TCFL5: variants seen among roughly 807,000 people sequenced by gnomAD.
The protein encoded by TCFL5 is transcription factor-like 5 protein.
In TCFL5, 9 loss-of-function variants were observed where a neutral mutation model predicts 44.3. The ratio of observed to expected loss-of-function variants is 0.20; its 90% CI spans 0.12 to 0.35. The LOEUF (loss-of-function observed/expected upper bound fraction) is 0.35, where lower values mean the gene tolerates loss of function less well. Ranked by LOEUF, TCFL5 falls within the 10% of genes least tolerant of loss-of-function variation. The pLI is 1.00. For missense variants in TCFL5, 603 were observed against 613.4 expected (o/e 0.98, Z 0.18); for synonymous variants, 319 against 271.6 (o/e 1.17, Z -1.72).
At chr20:62,851,183 T>C (rs1282026155) in intron 5 of TCFL5, among the ~76,000 whole-genome samples, 1 of 152,130 alleles carries the variant, frequency 6.6e-6, no homozygotes, top group African/African-American at 2.4e-5. Flanking sequence ...TAAGAACCCA[T>C]GTGTTTCGGC....
Position 62,841,620 on chromosome 20 carries a change from T to A in TCFL5, c.*355A>T, listed in dbSNP as rs1307425472. 1 of 163,834 alleles carries A rather than the reference T, an allele frequency of 6.1e-6. No individual in the cohort carries two copies. The highest frequency in any genetic ancestry group is 1.3e-5 in the Non-Finnish European group (1 of 75,918). The allele number at this position is 163,834 out of a possible 1,614,324, so 10.1% of individuals were successfully genotyped here. A position where few individuals can be genotyped will look rare whatever the true frequency, so the allele number is the denominator to read the frequency against. ...GGTAAATAAGTAAAAAGCCGTGTAC[T>A]TTTTAAGATTAAAGAAAGTACAAAG... On this transcript the variant is annotated 3_prime_UTR_variant, in exon 6 of 6. Transcript: ENST00000335351.
intron 5 of TCFL5, among the ~76,000 whole-genome samples, chr20:62,843,614 G>A (rs1392143786): frequency 6.6e-6 from 1 of 152,164 alleles, no homozygotes; most frequent in Admixed American, 6.5e-5. Flanking sequence ...TTAAAATATA[G>A]CATAAAATTT....
rs2147304826 is a variant in TCFL5, at chr20:62,861,113, G to A, written c.558C>T (p.Arg186=). The A allele has an allele frequency of 1.0e-6, 1 of 998,782 alleles. No individual in the cohort carries two copies. Among genetic ancestry groups the A allele is most frequent in the South Asian group, 4.5e-5 (1 of 22,266 alleles). 61.9% of individuals were successfully genotyped at this position (998,782 alleles called of 1,614,324 possible). A position where few individuals can be genotyped will look rare whatever the true frequency, so the allele number is the denominator to read the frequency against. Residue 186 remains arginine, a synonymous_variant, in exon 1 of 6, where the codon CGC becomes CGT. Transcript: ENST00000335351. This position sits in a 1 kb window ranked among gnomAD's most constrained non-coding sequence, Gnocchi z 4.0. ...GGATGCTGTTGAAGCGGTCCTCCAG[G>A]CGGACGCGCACGGCCGGCTTGGCCC... ...EARAKPAVRV[R]LEDRFNSIPA...
chr20:62,853,957 A>T (rs1568786694), intron 5 of TCFL5, 59 bp downstream of exon 5: 3 of 1,575,276 alleles, frequency 1.9e-6, no homozygotes, highest in Non-Finnish European at 2.6e-6. Context: ...AGGAAAAAGG[A>T]GGGACATTGT....
At chr20:62,850,082 T>A (rs917412718) in intron 5 of TCFL5, among the ~76,000 whole-genome samples, 1 of 152,132 alleles carries the variant, frequency 6.6e-6, no homozygotes, top group Non-Finnish European at 1.5e-5. Context: ...CTTATTATCT[T>A]GGGGAGGCAT....
At chr20:62,849,054 G>T (rs141833044) in intron 5 of TCFL5, among the ~76,000 whole-genome samples, 49 of 152,218 alleles carry the variant, frequency 3.2e-4, no homozygotes, top group African/African-American at 1.1e-3. Context: ...TGTAGTCCTA[G>T]CTACTCAAGA....
intron 4 of TCFL5, among the ~76,000 whole-genome samples, chr20:62,856,484 C>T (rs951985092): frequency 1.3e-5 from 2 of 151,736 alleles, no homozygotes; most frequent in Admixed American, 6.6e-5. Flanking sequence ...GCGGGCAGAT[C>T]ACGAGGTCAG....
chr20:62,856,189 G>A (rs1240426372), intron 4 of TCFL5, among the ~76,000 whole-genome samples: 2 of 145,818 alleles, frequency 1.4e-5, no homozygotes, highest in Non-Finnish European at 3.0e-5. Context: ...GGCGGAGGTT[G>A]CAGTGAGCCG....
rs745550005 is a variant in TCFL5, at chr20:62,860,324, A to C, written c.648-16T>G. On this transcript the variant is annotated splice_polypyrimidine_tract_variant and intron_variant, in intron 1 of 5. Transcript: ENST00000335351. The stretch of plus-strand genomic sequence containing the variant: ...AGTTACCAAACTGCCAAGACAAAAG[A>C]AAGCCCAGAAGTGTCAGCAATACGT... 1.8e-5 allele frequency: 28 copies of C among 1,599,554 alleles called. No homozygotes were observed. The highest frequency in any genetic ancestry group is 1.7e-4 in the Middle Eastern group (1 of 6,000).
intron 3 of TCFL5, among the ~76,000 whole-genome samples, chr20:62,858,204 C>A (rs1294457641): frequency 6.6e-6 from 1 of 152,232 alleles, no homozygotes; most frequent in Non-Finnish European, 1.5e-5. Flanking sequence ...GAAGTAGCGT[C>A]CGAGCTTTTC....
At chr20:62,845,618 G>T in intron 5 of TCFL5, 1 of 1,593,322 alleles carries the variant, frequency 6.3e-7, no homozygotes, top group African/African-American at 1.3e-5. Flanking sequence ...CTCGGAGCTG[G>T]TCTCGGACTG....
At position 62,861,724 on chromosome 20, in the gene TCFL5, G is replaced by T; in HGVS notation, c.-54C>A. On this transcript the variant is annotated 5_prime_UTR_variant, in exon 1 of 6. Transcript: ENST00000335351. The surrounding 1 kb of genome is among the most constrained non-coding windows in gnomAD (Gnocchi z 4.0). ...AGGGCGACGCGGGCGGCGGGCGGCG[G>T]GAGGCGGGAGGCGGGAGGCGGGAGG... 1 of 127,732 alleles carries T rather than the reference G, an allele frequency of 7.8e-6. No homozygotes were observed. The highest frequency in any genetic ancestry group is 2.0e-4 in the South Asian group (1 of 5,112). The allele number at this position is 127,732 out of a possible 1,614,324, so 7.9% of individuals were successfully genotyped here.
Position 62,845,571 on chromosome 20 carries a change from A to C in TCFL5, c.1381-3474T>G, listed in dbSNP as rs1490835887. 2.0e-6 allele frequency: 3 copies of C among 1,501,158 alleles called. No homozygotes were observed. The East Asian group carries it at 7.3e-5, about 37-fold the overall frequency. 93.0% of individuals were successfully genotyped at this position (1,501,158 alleles called of 1,614,324 possible). A position where few individuals can be genotyped will look rare whatever the true frequency, so the allele number is the denominator to read the frequency against. ...TTCACCTTTCAGGACAATTAAATGAAAGTCAGAGCCTGGGCCGGCTCCGGA... is the reference window on the plus strand; with the variant it reads ...TTCACCTTTCAGGACAATTAAATGACAGTCAGAGCCTGGGCCGGCTCCGGA... On this transcript the variant is annotated intron_variant, in intron 5 of 5. Transcript: ENST00000335351.
At chr20:62,855,170 T>C (rs1328303438) in intron 4 of TCFL5, among the ~76,000 whole-genome samples, 1 of 152,222 alleles carries the variant, frequency 6.6e-6, no homozygotes, top group Non-Finnish European at 1.5e-5. Context: ...TTTAATTTTC[T>C]TTCTTTGGGG....
intron 3 of TCFL5, among the ~76,000 whole-genome samples, chr20:62,858,515 G>T (rs542285447): frequency 1.3e-5 from 2 of 152,386 alleles, no homozygotes; most frequent in East Asian, 3.9e-4. Context: ...ACTGACATGG[G>T]AGAAGGCGGT....
intron 1 of TCFL5, 134 bp from the exon 2 acceptor site, chr20:62,860,442 A>C: frequency 8.0e-6 from 6 of 749,856 alleles, no homozygotes; most frequent in Non-Finnish European, 1.3e-5. Flanking sequence ...CTACACAACA[A>C]TTAGCAACTA....
Position 62,841,931 on chromosome 20 carries a change from G to A in TCFL5, c.*44C>T, listed in dbSNP as rs748213832. On this transcript the variant is annotated 3_prime_UTR_variant, in exon 6 of 6. Transcript: ENST00000335351. ...GTTGCAGAAGGCGTGCACAGGTCAC[G>A]AAGGAATGGCTGTTCACCCCCCGAG... 3.5e-5 allele frequency: 57 copies of A among 1,611,178 alleles called. No individual in the cohort carries two copies. The highest frequency in any genetic ancestry group is 4.5e-5 in the East Asian group (2 of 44,836).
chr20:62,859,642 CTT>C, intron 2 of TCFL5, 116 bp from the exon 3 acceptor site: 1 of 915,238 alleles, frequency 1.1e-6, no homozygotes, highest in Non-Finnish European at 1.6e-6. Context: ...ATTTGAAGAA[CTT>C]TAGTTGCACT....
intron 2 of TCFL5, among the ~76,000 whole-genome samples, chr20:62,859,868 C>T (rs1465872383): frequency 6.6e-6 from 1 of 152,008 alleles, no homozygotes; most frequent in Non-Finnish European, 1.5e-5. Context: ...TTACAGGTGT[C>T]CGCCACTACC....
Sources: gnomAD v4.1 joint callset for allele counts (sites outside exome capture counted in the v4.1 genomes callset) on GRCh38, gnomAD v4.1.1 for gene constraint, Gnocchi (gnomAD v3.1) non-coding constraint, MANE v1.5 for transcripts, NCBI Gene and HGNC (gene_info 2026-07-23, HGNC 2026-07-21) for gene names.